Variants in SERPINI1 observed in about 807,000 individuals in gnomAD.
SERPINI1 encodes neuroserpin.
Under a neutral mutation model 41.1 loss-of-function variants are expected in SERPINI1, and 19 were observed. The observed-to-expected ratio is 0.46, with a 90% CI of 0.32 to 0.68. The LOEUF (loss-of-function observed/expected upper bound fraction) is 0.68. SERPINI1 is among the 30% of genes least tolerant of loss of function. The pLI, the probability that SERPINI1 is intolerant of heterozygous loss-of-function variation, is 0.03. For synonymous variants in SERPINI1, 138 were observed against 156.6 expected, an observed-to-expected ratio of 0.88 and a Z score of 0.89; for missense variants, 460 against 479.2, an observed-to-expected ratio of 0.96 and a Z score of 0.37.
intron 1 of SERPINI1, among the ~76,000 whole-genome samples, chr3:167,736,697 A>G (rs1559989969): frequency 2.0e-5 from 3 of 152,218 alleles, no homozygotes; most frequent in Admixed American, 1.3e-4. Context: ...GTCATAAAAT[A>G]ATAGTTTATT....
At position 167,785,942 on chromosome 3, in the gene SERPINI1, A is replaced by G. The variant is rs537849002; in HGVS notation, c.-18-3169A>G. ...TGCCTAATGACAGAGATATATTTGA[A>G]CAAATGAGTCATTAGGCAATTTCAC... On this transcript the variant is annotated intron_variant, in intron 1 of 8. Transcript: ENST00000446050. Among the ~76,000 whole-genome samples, 16 of 152,278 alleles carry G rather than the reference A, an allele frequency of 1.1e-4. No homozygotes were observed. The East Asian group carries it at 2.9e-3, about 28-fold the overall frequency.
At chr3:167,810,905 T>C (rs1269888648) in intron 6 of SERPINI1, among the ~76,000 whole-genome samples, 1 of 152,150 alleles carries the variant, frequency 6.6e-6, no homozygotes, top group East Asian at 1.9e-4. Flanking sequence ...CGCAGCATCT[T>C]CACCAGGAGT....
chr3:167,791,446 A>G (rs1056551856), intron 3 of SERPINI1, among the ~76,000 whole-genome samples: 2 of 152,222 alleles, frequency 1.3e-5, no homozygotes, highest in African/African-American at 4.8e-5. Flanking sequence ...ATACAATGAG[A>G]GAATACAGAG....
At chr3:167,794,561 G>A (rs759909557) in intron 4 of SERPINI1, 59 bp from the exon 5 acceptor site, 112 of 1,425,320 alleles carry the variant, frequency 7.9e-5, no homozygotes, top group South Asian at 1.1e-4. Context: ...TTCATCTCTC[G>A]CCCCCAGCTT....
At chr3:167,748,788 GTGTGTT>G (rs1468279710) in intron 1 of SERPINI1, among the ~76,000 whole-genome samples, 1 of 140,464 alleles carries the variant, frequency 7.1e-6, no homozygotes, top group Non-Finnish European at 1.6e-5. Flanking sequence ...GTGTGTGTGT[GTGTGTT>G]AACTGTATCT....
intron 1 of SERPINI1, among the ~76,000 whole-genome samples, chr3:167,747,362 T>C (rs1553770640): frequency 2.0e-5 from 3 of 152,124 alleles, no homozygotes; most frequent in South Asian, 2.1e-4. Flanking sequence ...ACCACTAGAT[T>C]GGCCGGGCAC....
chr3:167,781,269 TTTCC>T (rs1471432102), intron 1 of SERPINI1, among the ~76,000 whole-genome samples: 6 of 152,070 alleles, frequency 3.9e-5, no homozygotes, highest in Non-Finnish European at 7.4e-5. Context: ...AACTCCCAGT[TTTCC>T]AAACACCATG....
chr3:167,787,713 A>G (rs1447260904), intron 1 of SERPINI1, among the ~76,000 whole-genome samples: 6 of 152,234 alleles, frequency 3.9e-5, no homozygotes, highest in Non-Finnish European at 8.8e-5. Flanking sequence ...TAAACAAGCA[A>G]TAACTATTTA....
chr3:167,772,860 C>CTATA (rs1577409622), intron 1 of SERPINI1, among the ~76,000 whole-genome samples: 2 of 23,484 alleles, frequency 8.5e-5, no homozygotes, highest in Non-Finnish European at 1.6e-4. Context: ...CTCTCTCTCT[C>CTATA]TCTCTATATA....
chr3:167,803,475 G>T (rs148792039), intron 5 of SERPINI1, among the ~76,000 whole-genome samples: 1 of 151,908 alleles, frequency 6.6e-6, no homozygotes, highest in African/African-American at 2.4e-5. Flanking sequence ...TGATATTAAT[G>T]GTATCTACTC....
At chr3:167,782,751 C>T (rs2108552528) in intron 1 of SERPINI1, among the ~76,000 whole-genome samples, 1 of 152,174 alleles carries the variant, frequency 6.6e-6, no homozygotes, top group African/African-American at 2.4e-5. Context: ...ATTGAAGAAC[C>T]AAGCGGGTAT....
At chr3:167,812,559 A>G (rs1711929384) in intron 6 of SERPINI1, among the ~76,000 whole-genome samples, 2 of 152,282 alleles carry the variant, frequency 1.3e-5, no homozygotes, top group African/African-American at 4.8e-5. Flanking sequence ...TGGCACATAT[A>G]TCTTTTTATC....
intron 7 of SERPINI1, 145 bp downstream of exon 7, chr3:167,823,217 A>G: frequency 2.8e-6 from 2 of 703,654 alleles, no homozygotes; most frequent in Non-Finnish European, 5.3e-6. Context: ...AACCAGCCGG[A>G]ATTTTCTAAA....
chr3:167,738,237 A>G (rs1027730442), intron 1 of SERPINI1, among the ~76,000 whole-genome samples: 2 of 152,188 alleles, frequency 1.3e-5, no homozygotes, highest in African/African-American at 4.8e-5. Flanking sequence ...AGGAAAAGCA[A>G]CAGAGTGCAG....
At position 167,775,397 on chromosome 3, in the gene SERPINI1, G is replaced by T. The variant is rs1031868923; in HGVS notation, c.-18-13714G>T. On this transcript the variant is annotated intron_variant, in intron 1 of 8. Coordinates refer to ENST00000446050, the MANE Select transcript of SERPINI1 (RefSeq NM_001122752.2). ...CTGCCTCAGCCTCCAGAGTAGCTGG[G>T]ATTAGACACCTGCCACCACGCCCGG... Among the ~76,000 whole-genome samples, 9 of 151,638 alleles carry T rather than the reference G, an allele frequency of 5.9e-5. No individual in the cohort carries two copies. The East Asian group carries it at 1.7e-3, about 29-fold the overall frequency.
chr3:167,786,743 T>G (rs1167743993), intron 1 of SERPINI1, among the ~76,000 whole-genome samples: 2 of 152,176 alleles, frequency 1.3e-5, no homozygotes, highest in Non-Finnish European at 2.9e-5. Context: ...TAAATTAACT[T>G]TCACTTACTG....
intron 1 of SERPINI1, among the ~76,000 whole-genome samples, chr3:167,744,590 CTA>C (rs1725783466): frequency 1.4e-5 from 2 of 138,828 alleles, no homozygotes; most frequent in African/African-American, 2.7e-5. Flanking sequence ...AATATTTTAA[CTA>C]TATTGTTATT....
chr3:167,750,505 T>C (rs1390015438), intron 1 of SERPINI1, among the ~76,000 whole-genome samples: 1 of 152,190 alleles, frequency 6.6e-6, no homozygotes, highest in African/African-American at 2.4e-5. Context: ...AGGCTATTAT[T>C]AGTATGTGAA....
intron 1 of SERPINI1, among the ~76,000 whole-genome samples, chr3:167,774,972 A>G (rs1271121751): frequency 6.6e-6 from 1 of 152,112 alleles, no homozygotes; most frequent in African/African-American, 2.4e-5. Context: ...TACAAATATA[A>G]TACAAATACC....
Sources: allele counts gnomAD v4.1 joint callset (sites outside exome capture counted in the v4.1 genomes callset), GRCh38; gene constraint gnomAD v4.1.1; transcripts MANE v1.5; gene names NCBI Gene and HGNC (gene_info 2026-07-23, HGNC 2026-07-21).